Variants in CLCN3 observed in about 807,000 individuals in gnomAD.
CLCN3 encodes Cl-/H+ antiporter 3, also known as H(+)/Cl(-) exchange transporter 3.
In CLCN3, 16 loss-of-function variants were observed where a neutral mutation model predicts 83.4. That is an observed-to-expected ratio of 0.19 (90% CI 0.13 to 0.29). The LOEUF is 0.29. Ranked by LOEUF, CLCN3 falls within the 10% of genes least tolerant of loss-of-function variation. CLCN3 has a pLI of 1.00. For synonymous variants in CLCN3, 322 were observed against 346.2 expected (o/e 0.93, Z 0.78); for missense variants, 544 against 1,006.0 (o/e 0.54, Z 6.21).
At chr4:169,703,664 C>CTTTTTT (rs112073521) in intron 9 of CLCN3, among the ~76,000 whole-genome samples, 6 of 142,368 alleles carry the variant, frequency 4.2e-5, no homozygotes, top group African/African-American at 1.0e-4. Context: ...GCATATTGTC[C>CTTTTTT]TTTTTTTTTT....
rs1423685751 is a variant in CLCN3, at chr4:169,638,476, TC to T, written c.160+2389del. ...TTTTGCTGTTATTTGTCATTTGCTG[TC>T]TTTATCACAGATTTTTTTTCTAATT... On this transcript the variant is annotated intron_variant, in intron 2 of 12. Transcript: ENST00000513761. Among the ~76,000 whole-genome samples the T allele has an allele frequency of 5.1e-5, 6 of 118,594 alleles. No homozygotes were observed. The Admixed American group carries it at 6.0e-4, about 12-fold the overall frequency. The allele number at this position is 118,594 out of a possible 152,430, so 77.8% of individuals were successfully genotyped here. A position where few individuals can be genotyped will look rare whatever the true frequency, so the allele number is the denominator to read the frequency against.
chr4:169,700,783 G>T (rs1364122357), intron 9 of CLCN3, among the ~76,000 whole-genome samples: 1 of 152,108 alleles, frequency 6.6e-6, no homozygotes, highest in South Asian at 2.1e-4. Context: ...TAAAAGTTCT[G>T]TTTACACTAT....
At position 169,720,172 on chromosome 4, in the gene CLCN3, G is replaced by T. The variant is rs958295129; in HGVS notation, c.*175G>T. 3 of 898,604 alleles carry T rather than the reference G, an allele frequency of 3.3e-6. No individual in the cohort carries two copies. The highest frequency in any genetic ancestry group is 2.6e-5 in the East Asian group (1 of 39,042). The allele number at this position is 898,604 out of a possible 1,614,324, so 55.7% of individuals were successfully genotyped here. On this transcript the variant is annotated 3_prime_UTR_variant, in exon 13 of 13. Coordinates refer to ENST00000513761, the MANE Select transcript of CLCN3 (RefSeq NM_001829.4). ...TGCAAATAATGCTGGTGGAATGGAG[G>T]AGTTGTTTGGGGAGGGAAAGGAGAG...
At chr4:169,639,135 T>C (rs535559687) in intron 2 of CLCN3, among the ~76,000 whole-genome samples, 43 of 152,320 alleles carry the variant, frequency 2.8e-4, no homozygotes, top group African/African-American at 8.4e-4. Flanking sequence ...GCTCAAGAGA[T>C]ACTTGTGCCT....
intron 2 of CLCN3, among the ~76,000 whole-genome samples, chr4:169,659,300 C>A (rs1394267015): frequency 6.6e-6 from 1 of 152,068 alleles, no homozygotes; most frequent in Non-Finnish European, 1.5e-5. Context: ...TTTTTAATGA[C>A]AGTTTTAAAC....
At chr4:169,694,868 G>C (rs910851551) in intron 7 of CLCN3, among the ~76,000 whole-genome samples, 2 of 152,110 alleles carry the variant, frequency 1.3e-5, no homozygotes, top group African/African-American at 4.8e-5. Flanking sequence ...CAGACTCTTA[G>C]AAAAATAATT....
Position 169,690,645 on chromosome 4 carries a change from T to G in CLCN3, c.722T>G (p.Ile241Ser). The change falls in exon 6 of 13, where the codon ATT becomes AGT. Residue 241 changes from isoleucine to serine, a missense_variant. Around this residue, in one of 6 missense-constraint regions of CLCN3, gnomAD observed 96 missense variants for 202.1 expected, o/e 0.48. Coordinates refer to ENST00000513761, the MANE Select transcript of CLCN3 (RefSeq NM_001829.4). ...VFAPYACGSGIPEIKTILSGF... is the reference protein window; with the variant it reads ...VFAPYACGSGSPEIKTILSGF... ...GCTCCATATGCCTGTGGCTCTGGAA[T>G]TCCAGAGGTAAGCCAAGTAATATTT... 6.2e-7 allele frequency: 1 copy of G among 1,612,068 alleles called. No individual in the cohort carries two copies. Among genetic ancestry groups the G allele is most frequent in the Non-Finnish European group, 8.5e-7 (1 of 1,179,186 alleles).
At chr4:169,688,498 T>C (rs1458428610) in intron 4 of CLCN3, among the ~76,000 whole-genome samples, 1 of 152,198 alleles carries the variant, frequency 6.6e-6, no homozygotes, top group South Asian at 2.1e-4. Context: ...ATAGTAATTT[T>C]ATGGCCTCTG....
chr4:169,631,444 GC>G (rs1386290969), intron 1 of CLCN3, among the ~76,000 whole-genome samples: 2 of 151,892 alleles, frequency 1.3e-5, no homozygotes, highest in African/African-American at 4.8e-5. Context: ...CCACCACCAC[GC>G]CCGGCTAATT....
In CLCN3 at chr4:169,689,653, C is replaced by T. The variant is rs560566899; in HGVS notation, c.606+423C>T. On this transcript the variant is annotated intron_variant, in intron 5 of 12. Transcript: ENST00000513761. ...GATAATCAGACATTTTTATTTGTGG[C>T]ATTACGGCATTTAAATGATTGATTT... Among the ~76,000 whole-genome samples, 23 of 152,220 alleles carry T rather than the reference C, an allele frequency of 1.5e-4. No homozygotes were observed. In the South Asian group the frequency reaches 4.8e-3, roughly 32 times the overall value.
intron 5 of CLCN3, 125 bp from the exon 6 acceptor site, chr4:169,690,405 C>T: frequency 1.1e-6 from 1 of 945,700 alleles, no homozygotes; most frequent in Non-Finnish European, 1.5e-6. Context: ...CTCAACCTCC[C>T]CAGTGCTGGG....
At chr4:169,636,974 G>A (rs1274834273) in intron 2 of CLCN3, among the ~76,000 whole-genome samples, 1 of 151,638 alleles carries the variant, frequency 6.6e-6, no homozygotes, top group Non-Finnish European at 1.5e-5. Flanking sequence ...GATATAGCAT[G>A]TACATTTCTA....
At chr4:169,698,043 T>C (rs531032951) in intron 9 of CLCN3, among the ~76,000 whole-genome samples, 2 of 152,362 alleles carry the variant, frequency 1.3e-5, no homozygotes, top group South Asian at 2.1e-4. Flanking sequence ...ATAGTTGTTA[T>C]TAGACATGGC....
intron 12 of CLCN3, among the ~76,000 whole-genome samples, chr4:169,715,349 T>A (rs915054095): frequency 3.9e-5 from 6 of 152,162 alleles, no homozygotes; most frequent in African/African-American, 1.2e-4. Context: ...TCTAAGGGAA[T>A]ATATTAAATT....
At position 169,723,602 on chromosome 4, in the gene CLCN3, GGTAA is replaced by G. The variant is rs1317785587; in HGVS notation, c.*3610_*3613del. The G allele has an allele frequency of 1.3e-5, 2 of 152,038 alleles. No homozygotes were observed. Among genetic ancestry groups the G allele is most frequent in the African/African-American group, 4.8e-5 (2 of 41,394 alleles). 9.4% of individuals were successfully genotyped at this position (152,038 alleles called of 1,614,324 possible). Reference sequence around the variant, plus strand: ...GCTAATAGAACTGCCAAAAGAGGGTGGTAAGTAACAACCTTTGATTAAGATGTGG... The same window carrying G: ...GCTAATAGAACTGCCAAAAGAGGGTGGTAACAACCTTTGATTAAGATGTGG... On this transcript the variant is annotated 3_prime_UTR_variant, in exon 13 of 13. Transcript: ENST00000513761.
At chr4:169,693,975 C>T (rs191276138) in intron 7 of CLCN3, among the ~76,000 whole-genome samples, 30 of 152,096 alleles carry the variant, frequency 2.0e-4, no homozygotes, top group Admixed American at 1.8e-3. Context: ...AAATTAAATG[C>T]TTCTTAGATA....
In CLCN3 at chr4:169,674,001, C is replaced by T. The variant is rs539075417; in HGVS notation, c.161-6049C>T. On this transcript the variant is annotated intron_variant, in intron 2 of 12. Transcript: ENST00000513761. ...TCTGTATAGCTACCGTACACTTCTA[C>T]ACTTTTCAAAATCAGAACATTTACA... 6.1e-4 allele frequency among the ~76,000 whole-genome samples: 93 copies of T among 152,326 alleles called. 1 individual carries two copies. In the South Asian group the frequency reaches 0.013, roughly 22 times the overall value.
At chr4:169,631,896 A>G (rs548880901) in intron 1 of CLCN3, among the ~76,000 whole-genome samples, 1 of 152,220 alleles carries the variant, frequency 6.6e-6, no homozygotes, top group South Asian at 2.1e-4. Context: ...TGAACAGACC[A>G]ATATCGAGTT....
At chr4:169,635,249 T>G (rs1249379437) in intron 1 of CLCN3, among the ~76,000 whole-genome samples, 1 of 152,198 alleles carries the variant, frequency 6.6e-6, no homozygotes, top group Non-Finnish European at 1.5e-5. Context: ...CCCATACTTA[T>G]GTTGAACTCT....
Sources: gnomAD v4.1 joint callset for allele counts (sites outside exome capture counted in the v4.1 genomes callset) on GRCh38, gnomAD v4.1.1 for gene constraint, gnomAD v4.1.1 regional missense constraint, MANE v1.5 for transcripts, NCBI Gene and HGNC (gene_info 2026-07-23, HGNC 2026-07-21) for gene names.